The following VPS13B variants were observed in gnomAD, a reference collection of about 807,000 sequenced individuals.
VPS13B encodes intermembrane lipid transfer protein VPS13B.
In VPS13B, 285 loss-of-function variants were observed where a neutral mutation model predicts 426.4. The ratio of observed to expected loss-of-function variants is 0.67; its 90% CI spans 0.61 to 0.74. The LOEUF is 0.74. VPS13B is among the 30% of genes least tolerant of loss of function. The probability of loss-of-function intolerance (pLI) is 0.00; values close to 1 mark genes in which losing one functional copy is unlikely to be tolerated. For synonymous variants in VPS13B, 1,676 were observed against 1,676.4 expected (o/e 1.00, Z 0.01); for missense variants, 4,537 against 4,782.6 (o/e 0.95, Z 1.51).
At chr8:99,260,226 G>A (rs992057979) in intron 17 of VPS13B, among the ~76,000 whole-genome samples, 2 of 152,108 alleles carry the variant, frequency 1.3e-5, no homozygotes, top group African/African-American at 4.8e-5. Context: ...AGATCTGGAT[G>A]TTAGAATGAA....
chr8:99,244,094 C>T (rs1817076102), intron 17 of VPS13B, among the ~76,000 whole-genome samples: 1 of 152,200 alleles, frequency 6.6e-6, no homozygotes, highest in African/African-American at 2.4e-5. Context: ...ACATATTTTC[C>T]TTTCTGCCAT....
intron 17 of VPS13B, among the ~76,000 whole-genome samples, chr8:99,210,543 T>G (rs2132793363): frequency 6.6e-6 from 1 of 152,276 alleles, no homozygotes; most frequent in East Asian, 1.9e-4. Context: ...CTCGAAACTA[T>G]ATTTGAAAGC....
chr8:99,051,850 A>G (rs955362194), intron 3 of VPS13B, among the ~76,000 whole-genome samples: 5 of 152,100 alleles, frequency 3.3e-5, no homozygotes, highest in Non-Finnish European at 5.9e-5. Flanking sequence ...CTGGTGTATA[A>G]GAATGCTTGT....
In VPS13B at chr8:99,623,994, C is replaced by CATACATATATATATATAT. The variant is rs1554877591; in HGVS notation, c.5221-17814_5221-17813insCATATATATATATATATA. On this transcript the variant is annotated intron_variant, in intron 33 of 61. Transcript: ENST00000357162. ...GTAAAGGCTATGTCTATGAAACATACATATATATATATATTTTTTTTTTTT... is the reference window on the plus strand; with the variant it reads ...GTAAAGGCTATGTCTATGAAACATACATACATATATATATATATATATATATATATATTTTTTTTTTTT... 5.6e-4 allele frequency among the ~76,000 whole-genome samples: 30 copies of CATACATATATATATATAT among 53,926 alleles called. 1 individual carries two copies. Among genetic ancestry groups the CATACATATATATATATAT allele is most frequent in the East Asian group, 5.5e-3 (6 of 1,090 alleles). 35.4% of individuals were successfully genotyped at this position (53,926 alleles called of 152,430 possible). A position where few individuals can be genotyped will look rare whatever the true frequency, so the allele number is the denominator to read the frequency against.
chr8:99,705,287 G>C (rs1199096727), intron 36 of VPS13B, among the ~76,000 whole-genome samples: 2 of 152,098 alleles, frequency 1.3e-5, no homozygotes, highest in Admixed American at 1.3e-4. Context: ...AGAAGAACAA[G>C]TAAAATTATC....
intron 30 of VPS13B, among the ~76,000 whole-genome samples, chr8:99,542,370 A>C (rs1481588052): frequency 6.6e-6 from 1 of 152,212 alleles, no homozygotes; most frequent in Non-Finnish European, 1.5e-5. Flanking sequence ...TTGGTGCTAT[A>C]GTAGCCACTG....
At chr8:99,622,834 ATCT>A (rs1170675363) in intron 33 of VPS13B, among the ~76,000 whole-genome samples, 1 of 152,132 alleles carries the variant, frequency 6.6e-6, no homozygotes, top group African/African-American at 2.4e-5. Flanking sequence ...CTGTCAGGAG[ATCT>A]TCTTGGCTCT....
At chr8:99,708,441 C>A (rs1832576775) in intron 36 of VPS13B, among the ~76,000 whole-genome samples, 1 of 151,874 alleles carries the variant, frequency 6.6e-6, no homozygotes, top group Non-Finnish European at 1.5e-5. Flanking sequence ...CAAATTCTTC[C>A]TTTTTTTTAT....
intron 2 of VPS13B, among the ~76,000 whole-genome samples, chr8:99,029,034 A>G (rs1463119850): frequency 1.4e-5 from 2 of 147,106 alleles, no homozygotes; most frequent in African/African-American, 5.1e-5. Flanking sequence ...GGTGGTTGCC[A>G]GGCAGAGGGT....
In VPS13B at chr8:99,395,381, C is replaced by T. The variant is rs114143367; in HGVS notation, c.3082+3677C>T. ...TTGGCAAGGAATAACCTCGGAGCTA[C>T]GATCTTAATGATTCCCATCCTTACA... is the stretch of plus-strand genomic sequence containing the variant. On this transcript the variant is annotated intron_variant, in intron 21 of 61. Coordinates refer to ENST00000357162, the MANE Select transcript of VPS13B (RefSeq NM_152564.5). Among the ~76,000 whole-genome samples, 825 of 152,290 alleles carry T rather than the reference C, an allele frequency of 5.4e-3. 8 individuals carry two copies. Among genetic ancestry groups the T allele is most frequent in the African/African-American group, 0.019 (794 of 41,566 alleles).
At chr8:99,138,445 A>G (rs1464584848) in intron 12 of VPS13B, among the ~76,000 whole-genome samples, 1 of 152,212 alleles carries the variant, frequency 6.6e-6, no homozygotes, top group Non-Finnish European at 1.5e-5. Flanking sequence ...AAGCTTTCTT[A>G]CTGGTCTTCC....
rs1817739781 is a variant in VPS13B at position 99,877,322 on chromosome 8, T to A, written c.*1656T>A. 1 of 152,684 alleles carries A rather than the reference T, an allele frequency of 6.5e-6. No homozygotes were observed. Among genetic ancestry groups the A allele is most frequent in the African/African-American group, 2.4e-5 (1 of 41,468 alleles). 9.5% of individuals were successfully genotyped at this position (152,684 alleles called of 1,614,324 possible). On this transcript the variant is annotated 3_prime_UTR_variant, in exon 62 of 62. Coordinates refer to ENST00000357162, the MANE Select transcript of VPS13B (RefSeq NM_152564.5). ...ACAGCTGTCAACCTCAGAGTAACTATTTCTAAAAATGTAAATATGTATTAA... is the reference window on the plus strand; with the variant it reads ...ACAGCTGTCAACCTCAGAGTAACTAATTCTAAAAATGTAAATATGTATTAA...
chr8:99,608,745 TA>T (rs1827712284), intron 33 of VPS13B, among the ~76,000 whole-genome samples: 1 of 152,222 alleles, frequency 6.6e-6, no homozygotes, highest in African/African-American at 2.4e-5. Flanking sequence ...AATGGGGTCA[TA>T]TAATATGTGG....
At chr8:99,327,825 A>G (rs1810355732) in intron 19 of VPS13B, among the ~76,000 whole-genome samples, 1 of 152,190 alleles carries the variant, frequency 6.6e-6, no homozygotes, top group Non-Finnish European at 1.5e-5. Context: ...CTTACTATCT[A>G]TGGTTAACAT....
chr8:99,478,410 A>ATT (rs375836786), intron 24 of VPS13B, among the ~76,000 whole-genome samples: 16 of 68,404 alleles, frequency 2.3e-4, no homozygotes, highest in African/African-American at 6.1e-4. Context: ...TGAGCTCTTG[A>ATT]TTTTTTTTTT....
chr8:99,790,611 A>G (rs1812492697), intron 43 of VPS13B, among the ~76,000 whole-genome samples: 1 of 152,216 alleles, frequency 6.6e-6, no homozygotes, highest in Non-Finnish European at 1.5e-5. Context: ...CCAGGGAATC[A>G]GGAAGTAAAA....
chr8:99,579,710 T>C (rs1825958135), intron 33 of VPS13B, among the ~76,000 whole-genome samples: 1 of 148,334 alleles, frequency 6.7e-6, no homozygotes, highest in Non-Finnish European at 1.5e-5. Flanking sequence ...TCTTTCTTTC[T>C]TTCTTTTTTT....
rs561253960 is a variant in VPS13B, at chr8:99,225,088, G to A, written c.2515+32031G>A. Among the ~76,000 whole-genome samples, 583 of 152,000 alleles carry A rather than the reference G, an allele frequency of 3.8e-3. 4 individuals are homozygous for A. Among genetic ancestry groups the A allele is most frequent in the Admixed American group, 6.0e-3 (92 of 15,266 alleles). On this transcript the variant is annotated intron_variant, in intron 17 of 61. Coordinates refer to ENST00000357162, the MANE Select transcript of VPS13B (RefSeq NM_152564.5). ...GGCTCTTCTCCTTTGTCTTTTTATC[G>A]TTGATCTTAAGAGAATACACTGAGT...
At chr8:99,516,567 T>C (rs1160747290) in intron 29 of VPS13B, among the ~76,000 whole-genome samples, 1 of 151,936 alleles carries the variant, frequency 6.6e-6, no homozygotes, top group South Asian at 2.1e-4. Context: ...AGCAGGCATA[T>C]AGCTTGAGCC....
Sources: allele counts gnomAD v4.1 joint callset (sites outside exome capture counted in the v4.1 genomes callset), GRCh38; gene constraint gnomAD v4.1.1; transcripts MANE v1.5; gene names NCBI Gene and HGNC (gene_info 2026-07-23, HGNC 2026-07-21).